The following PRUNE1 variants were observed in gnomAD, a reference collection of about 807,000 sequenced individuals.
The protein encoded by PRUNE1 is exopolyphosphatase PRUNE1.
PRUNE1 carries 25 observed loss-of-function variants against 42.5 expected under a neutral mutation model. The observed-to-expected ratio is 0.59, with a 90% confidence interval of 0.43 to 0.82. The LOEUF (loss-of-function observed/expected upper bound fraction) is 0.82, where lower values mean the gene tolerates loss of function less well. Among genes scored for constraint, PRUNE1 ranks in the 40% least tolerant of loss-of-function variants. The probability of loss-of-function intolerance (pLI) is 0.00; values close to 1 mark genes in which losing one functional copy is unlikely to be tolerated. For missense variants in PRUNE1, 443 were observed against 539.3 expected (o/e 0.82, Z 1.77); for synonymous variants, 203 against 217.1 (o/e 0.93, Z 0.57).
At chr1:151,008,774 A>T in intron 1 of PRUNE1, 103 bp downstream of exon 1, 1 of 1,360,022 alleles carries the variant, frequency 7.4e-7, no homozygotes, top group Non-Finnish European at 1.0e-6. Flanking sequence ...TGGAGGGAAC[A>T]CTGAGTTGTG....
At chr1:151,009,426 T>C (rs1490593296) in intron 1 of PRUNE1, among the ~76,000 whole-genome samples, 5 of 152,212 alleles carry the variant, frequency 3.3e-5, no homozygotes, top group African/African-American at 1.2e-4. Flanking sequence ...GTGGCTTATT[T>C]TTGGTGCTCT....
intron 1 of PRUNE1, chr1:151,008,894 C>T: frequency 1.4e-6 from 1 of 689,910 alleles, no homozygotes. Flanking sequence ...TTTTGGCTCC[C>T]CGCCTTTGGG....
chr1:151,013,188 CAG>C (rs756560985), intron 1 of PRUNE1, among the ~76,000 whole-genome samples: 1 of 152,198 alleles, frequency 6.6e-6, no homozygotes, highest in Non-Finnish European at 1.5e-5. Flanking sequence ...TGCATTCAAA[CAG>C]AGAACAAATA....
intron 3 of PRUNE1, among the ~76,000 whole-genome samples, 192 bp from the exon 4 acceptor site, chr1:151,024,419 C>A (rs587610624): frequency 6.6e-6 from 1 of 152,056 alleles, no homozygotes; most frequent in Admixed American, 6.6e-5. Context: ...CGCTTGAACC[C>A]GAGATGCAAA....
At chr1:151,026,586 G>C (rs983292018) in intron 5 of PRUNE1, among the ~76,000 whole-genome samples, 2 of 151,908 alleles carry the variant, frequency 1.3e-5, no homozygotes, top group Admixed American at 1.3e-4. Flanking sequence ...GGAGGCAAAA[G>C]AAATATTTTG....
chr1:151,010,572 C>T (rs1293606422), intron 1 of PRUNE1, among the ~76,000 whole-genome samples: 1 of 152,004 alleles, frequency 6.6e-6, no homozygotes, highest in Non-Finnish European at 1.5e-5. Flanking sequence ...CATAGCCTCT[C>T]CAGGGCCTGG....
At chr1:151,033,515 C>T (rs984986136) in intron 7 of PRUNE1, among the ~76,000 whole-genome samples, 1 of 151,684 alleles carries the variant, frequency 6.6e-6, no homozygotes, top group South Asian at 2.1e-4. Flanking sequence ...CTCAGCCTCC[C>T]GAGTAGCTGG....
rs1399676845 is a variant in PRUNE1 at position 151,027,306 on chromosome 1, T to C, written c.753T>C (p.Ser251=). 2 of 1,607,726 alleles carry C rather than the reference T, an allele frequency of 1.2e-6. No individual in the cohort carries two copies. Among genetic ancestry groups the C allele is most frequent in the South Asian group, 1.1e-5 (1 of 90,936 alleles). The change falls in exon 6 of 8, where the codon AGT becomes AGC. Residue 251 remains serine (S), a synonymous_variant. Coordinates refer to ENST00000271620, the MANE Select transcript of PRUNE1 (RefSeq NM_021222.3). ...GACAAGGCGTCAAGGTGGCCATTAG[T>C]GCAATATATATGGATTTGGAGGTAA... ...IYRQGVKVAI[S]AIYMDLEAFL...
chr1:151,016,503 T>TTTTA (rs1275642461), intron 1 of PRUNE1, among the ~76,000 whole-genome samples: 1 of 152,078 alleles, frequency 6.6e-6, no homozygotes. Flanking sequence ...GTATATTTTA[T>TTTTA]TTTATTTATT....
chr1:151,008,900 T>C (rs1248617897), intron 1 of PRUNE1: 1 of 679,830 alleles, frequency 1.5e-6, no homozygotes, highest in Non-Finnish European at 2.7e-6. Context: ...CTCCCCGCCT[T>C]TGGGGTCCGC....
Position 151,008,537 on chromosome 1 carries a change from C to G in PRUNE1, c.-96C>G, listed in dbSNP as rs1673482676. 9.4e-6 allele frequency: 14 copies of G among 1,493,088 alleles called. No homozygotes were observed. The highest frequency in any genetic ancestry group is 1.2e-5 in the Non-Finnish European group (13 of 1,070,534). 92.5% of individuals were successfully genotyped at this position (1,493,088 alleles called of 1,614,324 possible). A position where few individuals can be genotyped will look rare whatever the true frequency, so the allele number is the denominator to read the frequency against. ...GCCTCCTGACTCTGGCCTCTAGTCC[C>G]TGAGTCCCGGGCGGGCTGCATTCGT... On this transcript the variant is annotated 5_prime_UTR_variant, in exon 1 of 8. Coordinates refer to ENST00000271620, the MANE Select transcript of PRUNE1 (RefSeq NM_021222.3).
intron 7 of PRUNE1, among the ~76,000 whole-genome samples, chr1:151,032,900 A>G (rs953489319): frequency 9.2e-5 from 14 of 151,410 alleles, no homozygotes; most frequent in Non-Finnish European, 1.8e-4. Flanking sequence ...CAGCCTCCCA[A>G]GTAGCTGGGA....
intron 3 of PRUNE1, among the ~76,000 whole-genome samples, chr1:151,023,815 G>C (rs962454884): frequency 6.6e-6 from 1 of 152,114 alleles, no homozygotes; most frequent in African/African-American, 2.4e-5. Flanking sequence ...CAAATGTGGG[G>C]GTAAGATATT....
intron 1 of PRUNE1, 200 bp downstream of exon 1, chr1:151,008,871 T>C: frequency 1.4e-6 from 1 of 735,110 alleles, no homozygotes; most frequent in Non-Finnish European, 2.4e-6. Context: ...TGCTGCTTGT[T>C]CAGTCTCCCG....
intron 1 of PRUNE1, among the ~76,000 whole-genome samples, chr1:151,012,381 C>T (rs1283200451): frequency 6.6e-6 from 1 of 152,142 alleles, no homozygotes; most frequent in Non-Finnish European, 1.5e-5. Context: ...CTTGGTTTTC[C>T]CCTGTGTAAT....
chr1:151,010,589 G>T (rs1383585126), intron 1 of PRUNE1, among the ~76,000 whole-genome samples: 1 of 151,872 alleles, frequency 6.6e-6, no homozygotes, highest in East Asian at 1.9e-4. Flanking sequence ...CTGGAGAAAT[G>T]AGAAAATTAG....
chr1:151,033,040 C>CTGGGA, intron 7 of PRUNE1, among the ~76,000 whole-genome samples: 1 of 151,668 alleles, frequency 6.6e-6, no homozygotes, highest in East Asian at 2.0e-4. Context: ...TCCCAAAGTG[C>CTGGGA]TGGGATTACA....
intron 3 of PRUNE1, 88 bp from the exon 4 acceptor site, chr1:151,024,523 T>C (rs1674696026): frequency 2.4e-6 from 3 of 1,258,242 alleles, no homozygotes. Flanking sequence ...TGCATTTTCC[T>C]TGATGTGTGG....
At chr1:151,024,186 C>CAA (rs34553676) in intron 3 of PRUNE1, among the ~76,000 whole-genome samples, 5 of 108,450 alleles carry the variant, frequency 4.6e-5, no homozygotes, top group Middle Eastern at 5.1e-3. Context: ...GACTCCGTCT[C>CAA]AAAAAAAAAA....
Sources: allele counts gnomAD v4.1 joint callset (sites outside exome capture counted in the v4.1 genomes callset), GRCh38; gene constraint gnomAD v4.1.1; transcripts MANE v1.5; gene names NCBI Gene and HGNC (gene_info 2026-07-23, HGNC 2026-07-21).